KANSL1: variants seen among roughly 807,000 people sequenced by gnomAD.
The protein encoded by KANSL1 is KAT8 regulatory NSL complex subunit 1, also known as MLL1/MLL complex subunit KANSL1.
KANSL1 carries 22 observed loss-of-function variants against 103.6 expected under a neutral mutation model. The ratio of observed to expected loss-of-function variants is 0.21; its 90% CI spans 0.15 to 0.30. KANSL1 has a LOEUF of 0.30. KANSL1 is among the 10% of genes least tolerant of loss of function. KANSL1 has a pLI of 1.00. For synonymous variants in KANSL1, 600 were observed against 527.6 expected, an observed-to-expected ratio of 1.14 and a Z score of -1.88; for missense variants, 1,337 against 1,399.8, an observed-to-expected ratio of 0.96 and a Z score of 0.72.
intron 1 of KANSL1, among the ~76,000 whole-genome samples, chr17:46,214,702 G>C (rs1396673533): frequency 6.6e-6 from 1 of 152,170 alleles, no homozygotes; most frequent in Non-Finnish European, 1.5e-5. Flanking sequence ...TAAAAGACAA[G>C]AGCAAGTCCT....
At chr17:46,083,693 C>T (rs1488750012) in intron 3 of KANSL1, among the ~76,000 whole-genome samples, 2 of 152,142 alleles carry the variant, frequency 1.3e-5, no homozygotes, top group Non-Finnish European at 2.9e-5. Flanking sequence ...TACCACCATG[C>T]CCAGAGGTGG....
chr17:46,129,208 G>C (rs1262277594), intron 2 of KANSL1, among the ~76,000 whole-genome samples: 1 of 152,150 alleles, frequency 6.6e-6, no homozygotes, highest in African/African-American at 2.4e-5. Flanking sequence ...GTATGTTCTA[G>C]TTGAATTAAT....
At chr17:46,149,878 C>T (rs1003514697) in intron 2 of KANSL1, among the ~76,000 whole-genome samples, 8 of 151,576 alleles carry the variant, frequency 5.3e-5, no homozygotes, top group Admixed American at 3.9e-4. Flanking sequence ...AAAAATTAGC[C>T]GGGTGTGGTG....
At chr17:46,100,073 T>G (rs2042243906) in intron 2 of KANSL1, among the ~76,000 whole-genome samples, 1 of 152,208 alleles carries the variant, frequency 6.6e-6, no homozygotes, top group African/African-American at 2.4e-5. Context: ...ATCGTTCTTT[T>G]TACACAGTTA....
At chr17:46,070,355 C>T (rs56323408) in intron 4 of KANSL1, among the ~76,000 whole-genome samples, 21,810 of 152,080 alleles carry the variant, frequency 0.14, 2,132 homozygotes, top group Non-Finnish European at 0.22. Flanking sequence ...TAAAAATATA[C>T]ATACACAGAT....
intron 2 of KANSL1, among the ~76,000 whole-genome samples, chr17:46,126,048 A>G (rs1174509676): frequency 6.6e-6 from 1 of 152,232 alleles, no homozygotes; most frequent in Non-Finnish European, 1.5e-5. Flanking sequence ...ATTCAAACTC[A>G]GGTCTGACTC....
intron 2 of KANSL1, among the ~76,000 whole-genome samples, chr17:46,156,581 T>C (rs2045440493): frequency 6.6e-6 from 1 of 152,252 alleles, no homozygotes; most frequent in Admixed American, 6.5e-5. Flanking sequence ...ACACAATGCC[T>C]AATTCTTGTT....
At chr17:46,148,358 T>G (rs2044852202) in intron 2 of KANSL1, 1 of 152,224 alleles carries the variant, frequency 6.6e-6, no homozygotes, top group South Asian at 2.1e-4. Context: ...TAAAAACAAT[T>G]TTAATATGTT....
At chr17:46,186,769 C>T (rs2047054813) in intron 1 of KANSL1, among the ~76,000 whole-genome samples, 1 of 152,216 alleles carries the variant, frequency 6.6e-6, no homozygotes, top group African/African-American at 2.4e-5. Flanking sequence ...CTCTCTGTCG[C>T]CCAGGCTGGA....
chr17:46,148,136 G>A (rs950196612), intron 2 of KANSL1: 5 of 152,172 alleles, frequency 3.3e-5, no homozygotes, highest in African/African-American at 1.2e-4. Context: ...TAGCTACTAT[G>A]GTGGAAATTT....
chr17:46,172,290 A>AT (rs1567765779), intron 1 of KANSL1, 58 bp from the exon 2 acceptor site: 3 of 845,762 alleles, frequency 3.5e-6, no homozygotes, highest in Non-Finnish European at 5.3e-6. Flanking sequence ...AAACATGTAT[A>AT]TTTTTAACAA....
intron 2 of KANSL1, among the ~76,000 whole-genome samples, chr17:46,119,472 A>T (rs577957418): frequency 1.5e-4 from 23 of 152,148 alleles, no homozygotes; most frequent in Middle Eastern, 3.4e-3. Context: ...ACGTCCAGCT[A>T]ATTTTTGTAT....
chr17:46,152,936 T>C (rs2045201673), intron 2 of KANSL1: 3 of 152,256 alleles, frequency 2.0e-5, no homozygotes, highest in African/African-American at 7.2e-5. Context: ...TCTATCCCTT[T>C]CTTTCTTTAT....
chr17:46,219,263 AG>A (rs2048441625), intron 1 of KANSL1, among the ~76,000 whole-genome samples: 1 of 151,414 alleles, frequency 6.6e-6, no homozygotes, highest in African/African-American at 2.4e-5. Flanking sequence ...AAAAAAAAAA[AG>A]GAAGAAGAAT....
intron 4 of KANSL1, among the ~76,000 whole-genome samples, chr17:46,071,066 G>C (rs2078559414): frequency 6.6e-6 from 1 of 152,132 alleles, no homozygotes; most frequent in African/African-American, 2.4e-5. Flanking sequence ...AGCCTGTCTT[G>C]TTTCTCATGT....
chr17:46,080,365 G>GA (rs1313471564), intron 4 of KANSL1, among the ~76,000 whole-genome samples: 1 of 147,728 alleles, frequency 6.8e-6, no homozygotes, highest in Non-Finnish European at 1.5e-5. Flanking sequence ...TCCATTTGGG[G>GA]AAAAAATTAA....
chr17:46,082,797 T>C (rs112822580), intron 3 of KANSL1, among the ~76,000 whole-genome samples: 5 of 152,162 alleles, frequency 3.3e-5, no homozygotes, highest in African/African-American at 9.7e-5. Flanking sequence ...AGCATCTTTA[T>C]TCATATCTTT....
intron 1 of KANSL1, among the ~76,000 whole-genome samples, chr17:46,219,703 A>G (rs1338479202): frequency 6.6e-6 from 1 of 152,234 alleles, no homozygotes; most frequent in African/African-American, 2.4e-5. Flanking sequence ...GCAGTTCAAT[A>G]CTAGAAATAT....
chr17:46,106,729 G>A (rs1260721910), intron 2 of KANSL1, among the ~76,000 whole-genome samples: 1 of 152,154 alleles, frequency 6.6e-6, no homozygotes, highest in Non-Finnish European at 1.5e-5. Flanking sequence ...TAAAGACACT[G>A]AGGTTTAGCA....
Sources: gnomAD v4.1 joint callset for allele counts (sites outside exome capture counted in the v4.1 genomes callset) on GRCh38, gnomAD v4.1.1 for gene constraint, MANE v1.5 for transcripts, NCBI Gene and HGNC (gene_info 2026-07-23, HGNC 2026-07-21) for gene names.